Variants in MAP3K5 observed in about 807,000 individuals in gnomAD.
The protein encoded by MAP3K5 is mitogen-activated protein kinase kinase kinase 5.
MAP3K5 carries 56 observed loss-of-function variants against 158.7 expected under a neutral mutation model. The observed-to-expected ratio is 0.35, with a 90% CI of 0.28 to 0.44. The LOEUF (loss-of-function observed/expected upper bound fraction) is 0.44, where lower values mean the gene tolerates loss of function less well. MAP3K5 is among the 20% of genes least tolerant of loss of function. The pLI is 1.00. For missense variants in MAP3K5, 1,294 were observed against 1,674.8 expected (o/e 0.77, Z 3.97); for synonymous variants, 579 against 601.7 (o/e 0.96, Z 0.55).
rs533977342 is a variant in MAP3K5, at chr6:136,647,538, C to T, written c.1788+3446G>A. ...ACGTCAGTGACATCCTGTTTCCTACCGACACATGTTTAAAATTCTTCTTCC... is the reference window on the plus strand; with the variant it reads ...ACGTCAGTGACATCCTGTTTCCTACTGACACATGTTTAAAATTCTTCTTCC... On this transcript the variant is annotated intron_variant, in intron 11 of 29. Coordinates refer to ENST00000359015, the MANE Select transcript of MAP3K5 (RefSeq NM_005923.4). Among the ~76,000 whole-genome samples the T allele has an allele frequency of 3.5e-4, 53 of 152,214 alleles. 1 individual carries two copies. The South Asian group carries it at 1.0e-2, about 29-fold the overall frequency.
At chr6:136,572,000 G>A (rs1263968900) in intron 25 of MAP3K5, among the ~76,000 whole-genome samples, 1 of 152,146 alleles carries the variant, frequency 6.6e-6, no homozygotes, top group East Asian at 1.9e-4. Flanking sequence ...TGATAGTACG[G>A]TAGGAGTAAG....
intron 1 of MAP3K5, among the ~76,000 whole-genome samples, chr6:136,758,712 T>G (rs994355492): frequency 6.6e-6 from 1 of 152,252 alleles, no homozygotes; most frequent in African/African-American, 2.4e-5. Flanking sequence ...TGTTTATACT[T>G]TAATAATTTA....
chr6:136,772,982 A>C (rs1000102221), intron 1 of MAP3K5, among the ~76,000 whole-genome samples: 1 of 152,210 alleles, frequency 6.6e-6, no homozygotes, highest in Non-Finnish European at 1.5e-5. Context: ...AGAATTCTCA[A>C]CTTAAGCTGT....
At chr6:136,753,851 C>T (rs1783332001) in intron 1 of MAP3K5, among the ~76,000 whole-genome samples, 2 of 152,318 alleles carry the variant, frequency 1.3e-5, no homozygotes, top group African/African-American at 2.4e-5. Context: ...AGAACAGCAG[C>T]GTCAGGCAGG....
At chr6:136,566,783 C>T (rs910987061) in intron 26 of MAP3K5, among the ~76,000 whole-genome samples, 1 of 152,164 alleles carries the variant, frequency 6.6e-6, no homozygotes, top group Admixed American at 6.5e-5. Flanking sequence ...ACCACTTGTA[C>T]TCATTTTGGT....
intron 25 of MAP3K5, among the ~76,000 whole-genome samples, chr6:136,576,233 G>A (rs934841457): frequency 5.3e-5 from 8 of 152,024 alleles, no homozygotes; most frequent in African/African-American, 1.7e-4. Flanking sequence ...ACATTTTCAG[G>A]TTGGCTCTAG....
At chr6:136,582,054 G>A (rs1774904665) in intron 24 of MAP3K5, among the ~76,000 whole-genome samples, 1 of 151,828 alleles carries the variant, frequency 6.6e-6, no homozygotes, top group Admixed American at 6.6e-5. Context: ...CTGCACTCCA[G>A]CCTAGCCAAC....
At chr6:136,581,048 C>T (rs1036510365) in intron 24 of MAP3K5, among the ~76,000 whole-genome samples, 10 of 152,106 alleles carry the variant, frequency 6.6e-5, no homozygotes, top group Admixed American at 2.0e-4. Context: ...CTACCATCAC[C>T]GCCATCCATC....
At chr6:136,602,438 G>C (rs773714060) in intron 19 of MAP3K5, among the ~76,000 whole-genome samples, 1 of 152,066 alleles carries the variant, frequency 6.6e-6, no homozygotes, top group African/African-American at 2.4e-5. Context: ...GAGGTAGCTC[G>C]GACTACAGGC....
chr6:136,761,352 T>C (rs960539921), intron 1 of MAP3K5, among the ~76,000 whole-genome samples: 1 of 145,284 alleles, frequency 6.9e-6, no homozygotes, highest in Admixed American at 6.9e-5. Context: ...CAAGAGTGCA[T>C]GCAGCAGGCA....
chr6:136,611,129 A>AAAAAAG (rs1187468872), intron 18 of MAP3K5, among the ~76,000 whole-genome samples, 153 bp downstream of exon 18: 47 of 150,252 alleles, frequency 3.1e-4, no homozygotes, highest in Admixed American at 1.4e-3. Flanking sequence ...AAAAAAAAAA[A>AAAAAAG]AAAAAGAAAG....
chr6:136,748,497 GA>G (rs1040664612), intron 1 of MAP3K5, among the ~76,000 whole-genome samples: 5 of 151,824 alleles, frequency 3.3e-5, no homozygotes, highest in Non-Finnish European at 7.4e-5. Flanking sequence ...ATTTGTTCAG[GA>G]AAAAAAATGA....
chr6:136,751,857 C>T (rs749777454), intron 1 of MAP3K5, among the ~76,000 whole-genome samples: 1 of 152,194 alleles, frequency 6.6e-6, no homozygotes, highest in Non-Finnish European at 1.5e-5. Flanking sequence ...CTCCTACTTT[C>T]GGAAGGTTGC....
At position 136,613,421 on chromosome 6, in the gene MAP3K5, T is replaced by C. The variant is rs1483705752; in HGVS notation, c.2279-165A>G. On this transcript the variant is annotated intron_variant, in intron 16 of 29. Transcript: ENST00000359015. The surrounding 1 kb of genome is among the most constrained non-coding windows in gnomAD (Gnocchi z 4.0). Reference sequence around the variant, plus strand: ...AACATGAATTTGCAAATATCCCTACTCTAAAGATGCTTGTAATCAAATATG... The same window carrying C: ...AACATGAATTTGCAAATATCCCTACCCTAAAGATGCTTGTAATCAAATATG... Among the ~76,000 whole-genome samples the C allele has an allele frequency of 6.6e-6, 1 of 152,216 alleles. No individual in the cohort carries two copies. The highest frequency in any genetic ancestry group is 1.5e-5 in the Non-Finnish European group (1 of 68,028).
chr6:136,738,828 G>C (rs1355440290), intron 1 of MAP3K5, among the ~76,000 whole-genome samples: 1 of 151,938 alleles, frequency 6.6e-6, no homozygotes, highest in Non-Finnish European at 1.5e-5. Context: ...TCCAAAGCAG[G>C]GACCGGTTCA....
chr6:136,578,532 AAGG>A (rs1774721145), intron 25 of MAP3K5, among the ~76,000 whole-genome samples: 1 of 152,148 alleles, frequency 6.6e-6, no homozygotes, highest in African/African-American at 2.4e-5. Context: ...AACCATTTCC[AAGG>A]AGAGAGAATA....
At chr6:136,719,789 A>AAG (rs1781674749) in intron 2 of MAP3K5, among the ~76,000 whole-genome samples, 1 of 152,232 alleles carries the variant, frequency 6.6e-6, no homozygotes, top group Non-Finnish European at 1.5e-5. Flanking sequence ...TGGCAAGCTC[A>AAG]GCATGCGATT....
At chr6:136,683,978 T>C (rs1044101266) in intron 7 of MAP3K5, among the ~76,000 whole-genome samples, 2 of 152,176 alleles carry the variant, frequency 1.3e-5, no homozygotes, top group Non-Finnish European at 2.9e-5. Flanking sequence ...CCATCTGTAA[T>C]CCCAGCACTT....
At chr6:136,606,725 A>G (rs1035402911) in intron 18 of MAP3K5, among the ~76,000 whole-genome samples, 30 of 152,242 alleles carry the variant, frequency 2.0e-4, no homozygotes, top group African/African-American at 6.5e-4. Flanking sequence ...GTGTTTGCCA[A>G]AAGAACTGCT....
Sources: gnomAD v4.1 joint callset for allele counts (sites outside exome capture counted in the v4.1 genomes callset) on GRCh38, gnomAD v4.1.1 for gene constraint, Gnocchi (gnomAD v3.1) non-coding constraint, MANE v1.5 for transcripts, NCBI Gene and HGNC (gene_info 2026-07-23, HGNC 2026-07-21) for gene names.